The following SUMF1 variants were observed in gnomAD, a reference collection of about 807,000 sequenced individuals.
SUMF1 encodes the protein formylglycine-generating enzyme.
A neutral mutation model predicts 47.6 loss-of-function variants in SUMF1; 48 were observed. The ratio of observed to expected loss-of-function variants is 1.01; its 90% CI spans 0.80 to 1.28. The LOEUF (loss-of-function observed/expected upper bound fraction) is 1.28. Ranked by LOEUF, SUMF1 falls within the 50% of genes most tolerant of loss-of-function variation. The probability of loss-of-function intolerance (pLI) is 0.00; values close to 1 mark genes in which losing one functional copy is unlikely to be tolerated. For synonymous variants in SUMF1, 230 were observed against 192.1 expected, an observed-to-expected ratio of 1.20 and a Z score of -1.63; for missense variants, 571 against 485.4, an observed-to-expected ratio of 1.18 and a Z score of -1.66.
intron 8 of SUMF1, among the ~76,000 whole-genome samples, chr3:4,143,376 G>C (rs1005170801): frequency 6.6e-6 from 1 of 152,062 alleles, no homozygotes; most frequent in Non-Finnish European, 1.5e-5. Context: ...CTACAAGACT[G>C]TCAAGTGTAC....
At chr3:4,332,868 C>T (rs1699077078) in intron 8 of SUMF1, among the ~76,000 whole-genome samples, 2 of 152,242 alleles carry the variant, frequency 1.3e-5, no homozygotes, top group South Asian at 4.1e-4. Flanking sequence ...GCCGCCTATC[C>T]TGTACCCATA....
At chr3:4,135,454 G>C (rs564218940) in intron 8 of SUMF1, among the ~76,000 whole-genome samples, 1 of 149,332 alleles carries the variant, frequency 6.7e-6, no homozygotes, top group Non-Finnish European at 1.5e-5. Context: ...CAATAAATTA[G>C]GTATTGATGG....
intron 8 of SUMF1, chr3:4,303,320 A>G: frequency 6.8e-7 from 1 of 1,469,288 alleles, no homozygotes. Context: ...CCCAGCATCC[A>G]CCGCGCGGCC....
At chr3:4,358,497 T>C (rs927578792), downstream of SUMF1, among the ~76,000 whole-genome samples, 1 of 152,188 alleles carries the variant, frequency 6.6e-6, no homozygotes, top group Admixed American at 6.5e-5. Flanking sequence ...TGGAGGACAG[T>C]AGAATGTGGA....
At chr3:4,223,558 C>T (rs1696112905) in intron 8 of SUMF1, among the ~76,000 whole-genome samples, 1 of 152,120 alleles carries the variant, frequency 6.6e-6, no homozygotes, top group Non-Finnish European at 1.5e-5. Context: ...TGACATGAGA[C>T]AGAGGCCACT....
intron 9 of SUMF1, among the ~76,000 whole-genome samples, chr3:4,059,107 G>A (rs1366661175): frequency 6.6e-6 from 1 of 152,078 alleles, no homozygotes; most frequent in Non-Finnish European, 1.5e-5. Context: ...TCATGGGACA[G>A]ATTTCTAGAA....
At chr3:4,404,687 C>T in intron 7 of SUMF1, among the ~76,000 whole-genome samples, 1 of 152,184 alleles carries the variant, frequency 6.6e-6, no homozygotes, top group East Asian at 1.9e-4. Flanking sequence ...TCGCTTGAAC[C>T]CAGGAGGTGG....
chr3:4,448,426 G>C (rs1400375137), intron 3 of SUMF1, among the ~76,000 whole-genome samples: 5 of 152,100 alleles, frequency 3.3e-5, no homozygotes, highest in African/African-American at 1.2e-4. Flanking sequence ...AATGCCTCTA[G>C]CTTCATCAGC....
intron 8 of SUMF1, among the ~76,000 whole-genome samples, chr3:4,255,967 A>T (rs1696942422): frequency 6.9e-6 from 1 of 144,280 alleles, no homozygotes; most frequent in African/African-American, 2.7e-5. Flanking sequence ...AATGTCACTC[A>T]AAGCCGCTCA....
intron 8 of SUMF1, among the ~76,000 whole-genome samples, chr3:4,288,153 C>A (rs1197850911): frequency 6.6e-6 from 1 of 152,110 alleles, no homozygotes; most frequent in Non-Finnish European, 1.5e-5. Flanking sequence ...GAGGAATATA[C>A]AATAATACAA....
intron 8 of SUMF1, among the ~76,000 whole-genome samples, chr3:4,099,677 T>C (rs1692986829): frequency 6.6e-6 from 1 of 152,078 alleles, no homozygotes; most frequent in African/African-American, 2.4e-5. Flanking sequence ...AATTGTCTGT[T>C]TGCTGAGGAC....
intron 7 of SUMF1, among the ~76,000 whole-genome samples, chr3:4,381,398 G>A (rs556453294): frequency 3.5e-4 from 53 of 152,178 alleles, no homozygotes; most frequent in African/African-American, 1.1e-3. Flanking sequence ...GCACTGCTCG[G>A]GTGGGGGTGC....
intron 8 of SUMF1, among the ~76,000 whole-genome samples, chr3:4,181,337 T>C (rs1574957476): frequency 6.6e-6 from 1 of 152,302 alleles, no homozygotes. Flanking sequence ...TCAGTGATTA[T>C]GGTTCGAAGC....
chr3:4,366,474 C>T (rs1699961607), intron 8 of SUMF1, among the ~76,000 whole-genome samples: 2 of 151,398 alleles, frequency 1.3e-5, no homozygotes, highest in African/African-American at 4.9e-5. Flanking sequence ...TTTCATCTTC[C>T]ATCACTGATA....
At chr3:4,180,118 T>C (rs145328495) in intron 8 of SUMF1, among the ~76,000 whole-genome samples, 29 of 152,304 alleles carry the variant, frequency 1.9e-4, no homozygotes, top group African/African-American at 4.6e-4. Flanking sequence ...AGTTCCACCA[T>C]TGTGGAAGAC....
chr3:4,159,767 T>C (rs1036248772), intron 8 of SUMF1, among the ~76,000 whole-genome samples: 4 of 152,176 alleles, frequency 2.6e-5, no homozygotes, highest in African/African-American at 9.7e-5. Flanking sequence ...CCTCAGCTTT[T>C]GTTTGCCTGA....
intron 9 of SUMF1, among the ~76,000 whole-genome samples, chr3:4,056,191 T>C (rs1331613564): frequency 2.0e-5 from 3 of 152,164 alleles, no homozygotes; most frequent in Admixed American, 2.0e-4. Context: ...GATGTAGACA[T>C]CTTTAGGGAC....
chr3:4,230,749 G>C (rs997440555), intron 8 of SUMF1, among the ~76,000 whole-genome samples: 1 of 151,992 alleles, frequency 6.6e-6, no homozygotes, highest in Non-Finnish European at 1.5e-5. Context: ...CGTCTTTCTG[G>C]TGACCAGCCC....
intron 8 of SUMF1, among the ~76,000 whole-genome samples, chr3:4,153,526 T>G (rs1447819032): frequency 8.7e-5 from 13 of 150,268 alleles, no homozygotes; most frequent in South Asian, 2.1e-4. Context: ...TTGTAGGTTT[T>G]TTTTTTTTTT....
Sources: gnomAD v4.1 joint callset for allele counts (sites outside exome capture counted in the v4.1 genomes callset) on GRCh38, gnomAD v4.1.1 for gene constraint, MANE v1.5 for transcripts, NCBI Gene and HGNC (gene_info 2026-07-23, HGNC 2026-07-21) for gene names.